Variants in ADD3 observed in about 807,000 individuals in gnomAD.
The protein encoded by ADD3 is gamma-adducin.
A neutral mutation model predicts 80.2 loss-of-function variants in ADD3; 25 were observed. The ratio of observed to expected loss-of-function variants is 0.31; its 90% CI spans 0.23 to 0.44. ADD3 has a LOEUF of 0.44. ADD3 is among the 20% of genes least tolerant of loss of function. ADD3 has a pLI of 1.00. For missense variants in ADD3, 829 were observed against 847.5 expected (o/e 0.98, Z 0.27); for synonymous variants, 284 against 289.6 (o/e 0.98, Z 0.20).
chr10:109,996,557 G>A (rs920763314), intron 1 of ADD3: 3 of 152,212 alleles, frequency 2.0e-5, no homozygotes, highest in Non-Finnish European at 2.9e-5. Context: ...TAAAAGGACA[G>A]GATGTTCCTC....
rs1402468913 is a variant in ADD3 at position 110,094,043 on chromosome 10, TA to T, written c.-29-6581del. Among the ~76,000 whole-genome samples the T allele has an allele frequency of 2.6e-5, 4 of 152,314 alleles. No individual in the cohort carries two copies. The East Asian group carries it at 7.7e-4, about 29-fold the overall frequency. ...ACTTAAAACTTGTCCCTTTGGTATT[TA>T]GGTCAAATAAACCACCATTATACAA... On this transcript the variant is annotated intron_variant, in intron 1 of 14. Transcript: ENST00000356080.
chr10:110,043,425 C>A (rs1856586836), intron 1 of ADD3, among the ~76,000 whole-genome samples: 1 of 152,166 alleles, frequency 6.6e-6, no homozygotes, highest in Non-Finnish European at 1.5e-5. Flanking sequence ...ATATTTCACT[C>A]ACCTATTTGC....
rs375146339 is a variant in ADD3 at position 110,124,033 on chromosome 10, A to G, written c.1160A>G (p.Tyr387Cys). The change falls in exon 10 of 15, where the codon TAT becomes TGT. Residue 387 changes from tyrosine (Y) to cysteine (C), a missense_variant. Physicochemically the swap from Tyr to Cys is radical, Grantham distance 194 (BLOSUM62 -2). Transcript: ENST00000356080. ...TLDNLGYRTG[Y>C]AYRHPLIREK... ...CTCCCTTAGGGGTATAGAACAGGCT[A>G]TGCTTACAGGCATCCTCTCATTCGA... 2.6e-5 allele frequency: 42 copies of G among 1,614,060 alleles called. No individual in the cohort carries two copies. The highest frequency in any genetic ancestry group is 6.7e-5 in the East Asian group (3 of 44,896).
chr10:110,005,364 T>A (rs1188107828), upstream of ADD3, among the ~76,000 whole-genome samples: 1 of 152,222 alleles, frequency 6.6e-6, no homozygotes, highest in Non-Finnish European at 1.5e-5. Context: ...CCGGCAATAT[T>A]GTGATTTTTT....
At chr10:110,125,713 G>GGT (rs1852060954) in intron 10 of ADD3, 113 bp from the exon 11 acceptor site, 9 of 714,038 alleles carry the variant, frequency 1.3e-5, no homozygotes, top group Non-Finnish European at 1.9e-5. Context: ...ACTGCTTAGT[G>GGT]AAATTATTTA....
intron 6 of ADD3, 126 bp from the exon 7 acceptor site, chr10:110,119,085 G>A: frequency 3.0e-6 from 3 of 992,988 alleles, no homozygotes; most frequent in Non-Finnish European, 4.4e-6. Flanking sequence ...AAAGTGGGAA[G>A]TGGGCTGCAA....
intron 1 of ADD3, among the ~76,000 whole-genome samples, chr10:110,035,733 G>T (rs540024154): frequency 2.6e-5 from 4 of 152,100 alleles, no homozygotes; most frequent in Admixed American, 6.5e-5. Context: ...AGTAAGGCCC[G>T]GTAATTTGCA....
chr10:110,126,373 T>C (rs752167524), intron 11 of ADD3, 44 bp from the exon 12 acceptor site: 2 of 1,423,314 alleles, frequency 1.4e-6, no homozygotes, highest in Admixed American at 1.7e-5. Context: ...GTCATCTGCA[T>C]AGTTGCCCTC....
chr10:110,133,454 A>G lies in ADD3; in HGVS notation c.1957A>G (p.Thr653Ala), dbSNP rs773338246. ...GCGAGTGAGTAGGTTAAGCACAAGT[A>G]CAACCATAGAAAACATCGAGATTAC... The part of the protein sequence containing the change: ...AKRVSRLSTS[T>A]TIENIEITIK... The change falls in exon 15 of 15, where the codon ACA becomes GCA. Residue 653 changes from threonine to alanine, a missense_variant. By Grantham distance (58) the Thr-to-Ala change is moderately conservative. Transcript: ENST00000356080. 6.2e-7 allele frequency: 1 copy of G among 1,613,942 alleles called. No homozygotes were observed. Among genetic ancestry groups the G allele is most frequent in the Non-Finnish European group, 8.5e-7 (1 of 1,179,880 alleles).
At chr10:110,133,272 A>G (rs1410905079) in intron 14 of ADD3, 54 bp from the exon 15 acceptor site, 1 of 1,508,696 alleles carries the variant, frequency 6.6e-7, no homozygotes, top group Non-Finnish European at 8.9e-7. Flanking sequence ...TGTAAAGTAG[A>G]GCAAAAATGT....
chr10:110,123,780 C>G, intron 9 of ADD3: 1 of 487,850 alleles, frequency 2.0e-6, no homozygotes, highest in Non-Finnish European at 3.7e-6. Context: ...TTGTCGGGAA[C>G]AGTTGTGTGA....
At chr10:110,063,179 G>T (rs754339370) in intron 1 of ADD3, among the ~76,000 whole-genome samples, 1 of 152,096 alleles carries the variant, frequency 6.6e-6, no homozygotes, top group South Asian at 2.1e-4. Flanking sequence ...CTGAAAAATG[G>T]CATCAGGAGC....
chr10:110,016,693 C>T (rs1734796464), intron 1 of ADD3: 1 of 152,162 alleles, frequency 6.6e-6, no homozygotes, highest in South Asian at 2.1e-4. Flanking sequence ...TTTTGTAAGG[C>T]AATGATTCCT....
chr10:110,113,007 G>T, intron 3 of ADD3, 92 bp downstream of exon 3: 1 of 1,372,820 alleles, frequency 7.3e-7, no homozygotes. Context: ...CTCGGGTTCA[G>T]TCCTTAAGTT....
chr10:110,023,790 T>C (rs1422816645), intron 1 of ADD3, among the ~76,000 whole-genome samples: 1 of 152,250 alleles, frequency 6.6e-6, no homozygotes, highest in African/African-American at 2.4e-5. Context: ...AGTGGTTGAA[T>C]AGTCACCATT....
At chr10:110,018,910 TC>T (rs1853321981) in intron 1 of ADD3, among the ~76,000 whole-genome samples, 1 of 152,188 alleles carries the variant, frequency 6.6e-6, no homozygotes, top group Non-Finnish European at 1.5e-5. Flanking sequence ...ATATGAAAAT[TC>T]CTGCTTTTAT....
Position 110,081,289 on chromosome 10 carries a change from CG to C in ADD3, c.-29-19335del, listed in dbSNP as rs1846023467. Among the ~76,000 whole-genome samples, 4 of 152,064 alleles carry C rather than the reference CG, an allele frequency of 2.6e-5. No individual in the cohort carries two copies. The South Asian group carries it at 6.2e-4, about 24-fold the overall frequency. ...TACAATTCCACTTAGCAAAATGTAT[CG>C]AAGACCTTCTAGCAGCCAAGCACTG... On this transcript the variant is annotated intron_variant, in intron 1 of 14. Transcript: ENST00000356080.
In ADD3 at chr10:110,040,173, GTTA is replaced by G. The variant is rs374644432; in HGVS notation, c.-30+31883_-30+31885del. Among the ~76,000 whole-genome samples, 457 of 151,594 alleles carry G rather than the reference GTTA, an allele frequency of 3.0e-3. 3 individuals are homozygous for G. The highest frequency in any genetic ancestry group is 0.01 in the African/African-American group (428 of 40,988). On this transcript the variant is annotated intron_variant, in intron 1 of 14. Coordinates refer to ENST00000356080, the MANE Select transcript of ADD3 (RefSeq NM_016824.5). ...TGCTGTTAGGTAAATCGTTAGGAAAGTTATTATTATTTTTTTTTTTCAGATTTC... is the reference window on the plus strand; with the variant it reads ...TGCTGTTAGGTAAATCGTTAGGAAAGTTATTATTTTTTTTTTTCAGATTTC...
intron 2 of ADD3, among the ~76,000 whole-genome samples, chr10:110,108,050 T>C (rs1364904406): frequency 6.6e-6 from 1 of 152,160 alleles, no homozygotes; most frequent in African/African-American, 2.4e-5. Flanking sequence ...TTTGATCTTC[T>C]AACCAGTTCT....
Sources: allele counts gnomAD v4.1 joint callset (sites outside exome capture counted in the v4.1 genomes callset), GRCh38; gene constraint gnomAD v4.1.1; transcripts MANE v1.5; gene names NCBI Gene and HGNC (gene_info 2026-07-23, HGNC 2026-07-21).